The following BBS9 variants were observed in gnomAD, a reference collection of about 807,000 sequenced individuals.
The protein encoded by BBS9 is Bardet-Biedl syndrome 9.
Under a neutral mutation model 117.7 loss-of-function variants are expected in BBS9, and 89 were observed. The observed-to-expected ratio is 0.76, with a 90% CI of 0.64 to 0.90. BBS9 has a LOEUF of 0.90. Among genes scored for constraint, BBS9 ranks in the 40% least tolerant of loss-of-function variants. The probability of loss-of-function intolerance (pLI) is 0.00; values close to 1 mark genes in which losing one functional copy is unlikely to be tolerated. For missense variants in BBS9, 982 were observed against 1,042.2 expected (o/e 0.94, Z 0.80); for synonymous variants, 379 against 370.9 (o/e 1.02, Z -0.25).
At chr7:33,411,591 A>G (rs1831151175) in intron 19 of BBS9, among the ~76,000 whole-genome samples, 1 of 152,160 alleles carries the variant, frequency 6.6e-6, no homozygotes, top group South Asian at 2.1e-4. Flanking sequence ...AAACTTATAT[A>G]TGTACTTAAT....
intron 5 of BBS9, among the ~76,000 whole-genome samples, chr7:33,233,310 A>G (rs1019301): frequency 0.11 from 17,228 of 151,924 alleles, 1,147 homozygotes; most frequent in African/African-American, 0.18. Flanking sequence ...ATTTTGAATG[A>G]TTTCAAGGAG....
chr7:33,609,986 G>T (rs529880991), downstream of BBS9, among the ~76,000 whole-genome samples: 14 of 152,148 alleles, frequency 9.2e-5, no homozygotes, highest in South Asian at 2.9e-3. Flanking sequence ...CCTGCTACAA[G>T]GGGAAGACAG....
At chr7:33,597,604 A>G (rs896039900) in intron 21 of BBS9, among the ~76,000 whole-genome samples, 4 of 152,122 alleles carry the variant, frequency 2.6e-5, no homozygotes, top group African/African-American at 9.7e-5. Flanking sequence ...AGCCCTCTGG[A>G]TTTTCTGTAT....
intron 19 of BBS9, among the ~76,000 whole-genome samples, chr7:33,497,607 A>T (rs190028979): frequency 6.6e-6 from 1 of 152,210 alleles, no homozygotes; most frequent in Non-Finnish European, 1.5e-5. Flanking sequence ...CTCCCCAAGT[A>T]ACAAGCCTCA....
intron 21 of BBS9, among the ~76,000 whole-genome samples, chr7:33,560,569 C>G (rs1420148718): frequency 1.3e-5 from 2 of 152,160 alleles, no homozygotes; most frequent in Non-Finnish European, 2.9e-5. Context: ...AACAGTGCTG[C>G]TGCTTACTTC....
chr7:33,257,159 G>T, intron 5 of BBS9, 77 bp from the exon 6 acceptor site: 2 of 1,031,892 alleles, frequency 1.9e-6, no homozygotes, highest in East Asian at 2.8e-5. Flanking sequence ...AGACATACAT[G>T]TTGTAGATAG....
At chr7:33,251,061 C>T (rs1233280065) in intron 5 of BBS9, among the ~76,000 whole-genome samples, 3 of 152,038 alleles carry the variant, frequency 2.0e-5, no homozygotes, top group Non-Finnish European at 2.9e-5. Flanking sequence ...AGGAAAAATG[C>T]GCTGATCTAC....
In BBS9 at chr7:33,219,238, C is replaced by T. The variant is rs570674865; in HGVS notation, c.443-37998C>T. On this transcript the variant is annotated intron_variant, in intron 5 of 22. Transcript: ENST00000242067. ...GGGGCAGGGCTCGCGACCTGCAGCC[C>T]GCCATGCCTGAGCCTCCCACCCCCT... Among the ~76,000 whole-genome samples, 6 of 152,338 alleles carry T rather than the reference C, an allele frequency of 3.9e-5. No individual in the cohort carries two copies. In the South Asian group the frequency reaches 6.2e-4, roughly 16 times the overall value.
intron 5 of BBS9, among the ~76,000 whole-genome samples, chr7:33,180,767 A>G (rs1797983427): frequency 6.6e-6 from 1 of 152,144 alleles, no homozygotes; most frequent in South Asian, 2.1e-4. Flanking sequence ...ACAGGTCTCC[A>G]GTTGCCTCTT....
chr7:33,361,884 A>G (rs1820688182), intron 16 of BBS9, among the ~76,000 whole-genome samples: 1 of 152,146 alleles, frequency 6.6e-6, no homozygotes, highest in South Asian at 2.1e-4. Context: ...GCTTTTAAAA[A>G]AGCTTAAATT....
At chr7:33,149,266 C>T (rs1375998563) in intron 2 of BBS9, among the ~76,000 whole-genome samples, 2 of 152,106 alleles carry the variant, frequency 1.3e-5, no homozygotes, top group Non-Finnish European at 2.9e-5. Context: ...AGCTTTTTTC[C>T]ACAGTGCCAG....
At chr7:33,609,000 T>G (rs931348127), downstream of BBS9, among the ~76,000 whole-genome samples, 8 of 152,162 alleles carry the variant, frequency 5.3e-5, no homozygotes, top group Non-Finnish European at 7.4e-5. Flanking sequence ...GGTCTTACAT[T>G]TAAATCTTTT....
At chr7:33,361,841 G>A (rs553197533) in intron 16 of BBS9, among the ~76,000 whole-genome samples, 3 of 151,984 alleles carry the variant, frequency 2.0e-5, no homozygotes, top group South Asian at 4.1e-4. Context: ...ATACACTTTT[G>A]TTCTCAAACA....
intron 5 of BBS9, among the ~76,000 whole-genome samples, chr7:33,181,556 TA>T: frequency 6.6e-6 from 1 of 152,384 alleles, no homozygotes; most frequent in South Asian, 2.1e-4. Context: ...AAGATTCTTA[TA>T]AACCTTGCAT....
At chr7:33,398,291 G>T (rs1487849421) in intron 19 of BBS9, among the ~76,000 whole-genome samples, 1 of 152,086 alleles carries the variant, frequency 6.6e-6, no homozygotes, top group Non-Finnish European at 1.5e-5. Context: ...TCTCTTTCCT[G>T]TCTATACCCT....
intron 8 of BBS9, 80 bp downstream of exon 8, chr7:33,273,275 C>G (rs529732672): frequency 7.3e-7 from 1 of 1,370,146 alleles, no homozygotes; most frequent in Non-Finnish European, 1.0e-6. Flanking sequence ...CACTCATACA[C>G]ATATTGTAAA....
At chr7:33,484,511 T>G (rs1204632493) in intron 19 of BBS9, among the ~76,000 whole-genome samples, 1 of 152,176 alleles carries the variant, frequency 6.6e-6, no homozygotes, top group Non-Finnish European at 1.5e-5. Flanking sequence ...TCAACAGCAT[T>G]TTGACTGCAG....
chr7:33,561,026 A>T lies in BBS9; in HGVS notation c.2521+26850A>T, dbSNP rs1451016. Among the ~76,000 whole-genome samples the T allele has an allele frequency of 8.8e-3, 1,343 of 152,172 alleles. 21 individuals carry two copies. Among genetic ancestry groups the T allele is most frequent in the African/African-American group, 0.031 (1,281 of 41,524 alleles). On this transcript the variant is annotated intron_variant, in intron 21 of 22. Coordinates refer to ENST00000242067, the MANE Select transcript of BBS9 (RefSeq NM_198428.3). ...CATTTTGCCTTTTTCTCCTTATGCTACTTCTTGGAGACCCTTCCTTTTAAA... is the reference window on the plus strand; with the variant it reads ...CATTTTGCCTTTTTCTCCTTATGCTTCTTCTTGGAGACCCTTCCTTTTAAA...
intron 21 of BBS9, among the ~76,000 whole-genome samples, chr7:33,536,473 T>G (rs1851386522): frequency 6.6e-6 from 1 of 152,166 alleles, no homozygotes; most frequent in Non-Finnish European, 1.5e-5. Flanking sequence ...AAGAGACATG[T>G]AGAATTATTG....
Sources: allele counts gnomAD v4.1 joint callset (sites outside exome capture counted in the v4.1 genomes callset), GRCh38; gene constraint gnomAD v4.1.1; transcripts MANE v1.5; gene names NCBI Gene and HGNC (gene_info 2026-07-23, HGNC 2026-07-21).